Variants in SLC9A9 observed in about 807,000 individuals in gnomAD.
SLC9A9 encodes the protein sodium/hydrogen exchanger 9.
SLC9A9 carries 62 observed loss-of-function variants against 77.8 expected under a neutral mutation model. The observed-to-expected ratio is 0.80, with a 90% CI of 0.65 to 0.98. The LOEUF is 0.98. SLC9A9 is among the 50% of genes least tolerant of loss of function. The pLI is 0.00. For missense variants in SLC9A9, 775 were observed against 774.9 expected, an observed-to-expected ratio of 1.00 and a Z score of 0.00; for synonymous variants, 320 against 283.5, an observed-to-expected ratio of 1.13 and a Z score of -1.29.
intron 6 of SLC9A9, among the ~76,000 whole-genome samples, chr3:143,606,575 C>T (rs1322763262): frequency 6.7e-6 from 1 of 149,424 alleles, no homozygotes; most frequent in African/African-American, 2.4e-5. Flanking sequence ...AAAACAACTG[C>T]ATTTAAATAA....
chr3:143,642,115 A>C (rs2038634853), intron 6 of SLC9A9, among the ~76,000 whole-genome samples: 1 of 152,170 alleles, frequency 6.6e-6, no homozygotes, highest in Non-Finnish European at 1.5e-5. Context: ...CTTATTCTTA[A>C]ATGACATTTT....
intron 6 of SLC9A9, among the ~76,000 whole-genome samples, chr3:143,633,158 T>G (rs990242734): frequency 6.6e-6 from 1 of 152,224 alleles, no homozygotes; most frequent in African/African-American, 2.4e-5. Context: ...CCAACTCTTA[T>G]GCTAGTTATA....
At position 143,457,616 on chromosome 3, in the gene SLC9A9, C is replaced by T. The variant is rs370170601; in HGVS notation, c.1469+9421G>A. On this transcript the variant is annotated intron_variant, in intron 12 of 15. Coordinates refer to ENST00000316549, the MANE Select transcript of SLC9A9 (RefSeq NM_173653.4). Reference sequence around the variant, plus strand: ...TCAGTGCTATACATTTCTTTCTGAGCGCTGCTTTAGCTGTATTCCACAAAT... The same window carrying T: ...TCAGTGCTATACATTTCTTTCTGAGTGCTGCTTTAGCTGTATTCCACAAAT... 2.0e-4 allele frequency among the ~76,000 whole-genome samples: 30 copies of T among 152,152 alleles called. No homozygotes were observed. In the South Asian group the frequency reaches 4.1e-3, roughly 21 times the overall value.
At chr3:143,449,818 A>ATTTTATATATAT (rs1178303354) in intron 12 of SLC9A9, among the ~76,000 whole-genome samples, 1 of 41,012 alleles carries the variant, frequency 2.4e-5, no homozygotes, top group African/African-American at 1.6e-4. Flanking sequence ...ATAATTATAT[A>ATTTTATATATAT]TTTACATATA....
chr3:143,590,168 G>A (rs1372210596), intron 6 of SLC9A9, among the ~76,000 whole-genome samples: 3 of 152,106 alleles, frequency 2.0e-5, no homozygotes, highest in African/African-American at 7.2e-5. Flanking sequence ...TTTTCCAAGT[G>A]GTGACTACTG....
chr3:143,290,077 A>C (rs1039517391), intron 14 of SLC9A9, among the ~76,000 whole-genome samples: 4 of 152,214 alleles, frequency 2.6e-5, no homozygotes, highest in Non-Finnish European at 4.4e-5. Context: ...AGATGCTCTG[A>C]GAAACCTTCC....
chr3:143,560,113 T>A (rs543309314), intron 8 of SLC9A9, among the ~76,000 whole-genome samples: 1 of 152,374 alleles, frequency 6.6e-6, no homozygotes, highest in African/African-American at 2.4e-5. Flanking sequence ...ATTTCAGGAC[T>A]CTGGGTATTA....
At chr3:143,368,586 C>T (rs144856416) in intron 13 of SLC9A9, among the ~76,000 whole-genome samples, 1 of 152,114 alleles carries the variant, frequency 6.6e-6, no homozygotes, top group African/African-American at 2.4e-5. Flanking sequence ...ATATTAATGT[C>T]AGTGGAAGTT....
chr3:143,842,482 T>C (rs983261690), intron 1 of SLC9A9, among the ~76,000 whole-genome samples: 1 of 152,216 alleles, frequency 6.6e-6, no homozygotes, highest in East Asian at 1.9e-4. Flanking sequence ...CTCTGGCAAA[T>C]GTATTAACAC....
At chr3:143,784,416 TTAGC>T (rs1332894606) in intron 4 of SLC9A9, among the ~76,000 whole-genome samples, 7 of 152,264 alleles carry the variant, frequency 4.6e-5, no homozygotes, top group Admixed American at 4.6e-4. Context: ...GGCCAGTGAG[TTAGC>T]TCTTCTATGG....
intron 14 of SLC9A9, among the ~76,000 whole-genome samples, chr3:143,302,343 G>C (rs1167216271): frequency 6.6e-6 from 1 of 152,134 alleles, no homozygotes; most frequent in South Asian, 2.1e-4. Flanking sequence ...ATGAATGCTT[G>C]TCTAAAAAGA....
At chr3:143,554,514 G>C (rs960504648) in intron 8 of SLC9A9, among the ~76,000 whole-genome samples, 1 of 152,060 alleles carries the variant, frequency 6.6e-6, no homozygotes, top group Non-Finnish European at 1.5e-5. Flanking sequence ...CCCTTTCCAA[G>C]CCCCCATAAC....
intron 4 of SLC9A9, among the ~76,000 whole-genome samples, chr3:143,718,495 G>T (rs1195197610): frequency 6.6e-6 from 1 of 152,170 alleles, no homozygotes; most frequent in Non-Finnish European, 1.5e-5. Context: ...ACACCAATGT[G>T]CCCGCGAGAT....
chr3:143,841,778 T>TGC (rs1382991919), intron 1 of SLC9A9, among the ~76,000 whole-genome samples: 1 of 20,524 alleles, frequency 4.9e-5, no homozygotes, highest in Non-Finnish European at 2.0e-4. Flanking sequence ...TCTTTTTTGA[T>TGC]ACAGTCTTCC....
At chr3:143,690,351 C>T (rs1933421022) in intron 5 of SLC9A9, among the ~76,000 whole-genome samples, 1 of 151,920 alleles carries the variant, frequency 6.6e-6, no homozygotes, top group Non-Finnish European at 1.5e-5. Context: ...ATAATTTCTC[C>T]TTTTAAAAAA....
At chr3:143,393,822 T>A (rs1097443) in intron 12 of SLC9A9, among the ~76,000 whole-genome samples, 1 of 150,952 alleles carries the variant, frequency 6.6e-6, no homozygotes, top group Admixed American at 6.6e-5. Flanking sequence ...ACTATAAACA[T>A]CTCTATGCAA....
intron 14 of SLC9A9, among the ~76,000 whole-genome samples, chr3:143,281,122 A>G (rs1938205015): frequency 6.6e-6 from 1 of 152,172 alleles, no homozygotes; most frequent in Non-Finnish European, 1.5e-5. Context: ...ACACTGAAAC[A>G]CAGGAAGCCA....
intron 4 of SLC9A9, among the ~76,000 whole-genome samples, chr3:143,763,718 T>C (rs1332545767): frequency 6.6e-6 from 1 of 152,142 alleles, no homozygotes; most frequent in Non-Finnish European, 1.5e-5. Context: ...TGTTTGATTT[T>C]TTTTTTTTTC....
intron 6 of SLC9A9, among the ~76,000 whole-genome samples, chr3:143,609,499 A>T (rs1025549083): frequency 6.6e-6 from 1 of 152,192 alleles, no homozygotes; most frequent in Non-Finnish European, 1.5e-5. Flanking sequence ...AAATTTTATC[A>T]ATCAAAGATA....
Sources: allele counts gnomAD v4.1 joint callset (sites outside exome capture counted in the v4.1 genomes callset), GRCh38; gene constraint gnomAD v4.1.1; transcripts MANE v1.5; gene names NCBI Gene and HGNC (gene_info 2026-07-23, HGNC 2026-07-21).